Variants in DNAH7 observed in about 807,000 individuals in gnomAD.
The protein encoded by DNAH7 is axonemal beta dynein heavy chain 7.
A neutral mutation model predicts 444.6 loss-of-function variants in DNAH7; 397 were observed. The ratio of observed to expected loss-of-function variants is 0.89; its 90% CI spans 0.82 to 0.97. The LOEUF (loss-of-function observed/expected upper bound fraction) is 0.97. Among genes scored for constraint, DNAH7 ranks in the 50% least tolerant of loss-of-function variants. The pLI, the probability that DNAH7 is intolerant of heterozygous loss-of-function variation, is 0.00. For synonymous variants in DNAH7, 1,636 were observed against 1,624.4 expected (o/e 1.01, Z -0.17); for missense variants, 4,902 against 4,800.8 (o/e 1.02, Z -0.62).
At chr2:195,763,118 C>T (rs1453019379) in intron 61 of DNAH7, among the ~76,000 whole-genome samples, 1 of 152,000 alleles carries the variant, frequency 6.6e-6, no homozygotes, top group Non-Finnish European at 1.5e-5. Context: ...ACCAGTGAAT[C>T]AATGAAGAAA....
intron 22 of DNAH7, among the ~76,000 whole-genome samples, chr2:195,925,842 T>C (rs945674600): frequency 3.3e-5 from 5 of 152,188 alleles, no homozygotes; most frequent in African/African-American, 9.6e-5. Flanking sequence ...ATCTCAATGA[T>C]AGAACTGCTG....
At chr2:196,015,083 A>G (rs892326470) in intron 9 of DNAH7, among the ~76,000 whole-genome samples, 17 of 152,084 alleles carry the variant, frequency 1.1e-4, no homozygotes, top group Non-Finnish European at 2.1e-4. Flanking sequence ...TACTTATCCA[A>G]AAGTGAAATT....
intron 43 of DNAH7, 147 bp from the exon 44 acceptor site, chr2:195,857,870 T>C: frequency 1.5e-6 from 1 of 674,288 alleles, no homozygotes. Context: ...ACTTACACTT[T>C]TCTCCTCAGT....
chr2:195,783,807 T>C (rs1178303070), intron 58 of DNAH7, among the ~76,000 whole-genome samples: 1 of 152,086 alleles, frequency 6.6e-6, no homozygotes, highest in Non-Finnish European at 1.5e-5. Context: ...AAGGCAAAAA[T>C]AGTCTCCAAA....
intron 19 of DNAH7, among the ~76,000 whole-genome samples, chr2:195,956,635 A>T (rs1371813465): frequency 7.0e-6 from 1 of 143,702 alleles, no homozygotes; most frequent in African/African-American, 2.9e-5. Context: ...TGGGTGACAG[A>T]GCGAGACTCT....
At chr2:195,824,914 CTTAA>C (rs1309458817) in intron 48 of DNAH7, 1 of 152,604 alleles carries the variant, frequency 6.6e-6, no homozygotes, top group African/African-American at 2.4e-5. Flanking sequence ...ATTAGATTTG[CTTAA>C]TTACTCTCTC....
intron 49 of DNAH7, among the ~76,000 whole-genome samples, chr2:195,823,342 G>A (rs574907589): frequency 5.0e-4 from 76 of 152,194 alleles, no homozygotes; most frequent in African/African-American, 1.7e-3. Flanking sequence ...TTGCAGCTCC[G>A]CTGTGTCTTC....
Position 195,806,846 on chromosome 2 carries a change from G to A in DNAH7, c.10084-14C>T, listed in dbSNP as rs375786417. ...ATGGTGTGGTTCCTAAAATTACAGTGTAAATAATTCAGTTATTTTGGAGAT... is the reference window on the plus strand; with the variant it reads ...ATGGTGTGGTTCCTAAAATTACAGTATAAATAATTCAGTTATTTTGGAGAT... On this transcript the variant is annotated splice_polypyrimidine_tract_variant and intron_variant, in intron 53 of 64. Coordinates refer to ENST00000312428, the MANE Select transcript of DNAH7 (RefSeq NM_018897.3). The A allele has an allele frequency of 2.3e-5, 37 of 1,597,406 alleles. No homozygotes were observed. In the African/African-American group the frequency reaches 4.3e-4, roughly 19 times the overall value.
chr2:195,958,547 T>G (rs1690856105), intron 18 of DNAH7, among the ~76,000 whole-genome samples: 1 of 152,126 alleles, frequency 6.6e-6, no homozygotes, highest in African/African-American at 2.4e-5. Flanking sequence ...TCAACTGTAT[T>G]TCAATTTATA....
chr2:195,793,216 T>C (rs1695973978), intron 57 of DNAH7, among the ~76,000 whole-genome samples: 1 of 152,206 alleles, frequency 6.6e-6, no homozygotes, highest in Non-Finnish European at 1.5e-5. Flanking sequence ...GGATTACAGG[T>C]GTAAGCCATC....
chr2:195,801,798 T>C (rs1696473387), intron 54 of DNAH7, among the ~76,000 whole-genome samples: 1 of 152,222 alleles, frequency 6.6e-6, no homozygotes, highest in Non-Finnish European at 1.5e-5. Context: ...CTTCTGTCAG[T>C]CCTAGTGCAT....
At chr2:195,947,523 T>A (rs1024822336) in intron 19 of DNAH7, among the ~76,000 whole-genome samples, 10 of 152,158 alleles carry the variant, frequency 6.6e-5, no homozygotes, top group African/African-American at 2.2e-4. Context: ...TACTCCCATT[T>A]ATGAGTGAGA....
chr2:195,958,335 A>C (rs1690840545), intron 18 of DNAH7, among the ~76,000 whole-genome samples: 1 of 152,194 alleles, frequency 6.6e-6, no homozygotes, highest in Admixed American at 6.5e-5. Flanking sequence ...TGATTTTCTT[A>C]ATAACATTTT....
intron 26 of DNAH7, 40 bp from the exon 27 acceptor site, chr2:195,906,826 A>G (rs760121049): frequency 6.2e-7 from 1 of 1,611,946 alleles, no homozygotes; most frequent in Non-Finnish European, 8.5e-7. Context: ...GTAATACCAC[A>G]TATAAACATG....
intron 14 of DNAH7, 48 bp from the exon 15 acceptor site, chr2:195,984,758 A>G (rs1692796952): frequency 6.7e-7 from 1 of 1,491,890 alleles, no homozygotes; most frequent in South Asian, 1.1e-5. Context: ...GTTCAATTTA[A>G]TTCCAAAATA....
chr2:195,966,354 T>G (rs1691476445), intron 17 of DNAH7, among the ~76,000 whole-genome samples: 4 of 152,172 alleles, frequency 2.6e-5, no homozygotes, highest in African/African-American at 7.2e-5. Flanking sequence ...TTAAACCATG[T>G]TTTGTGACCT....
intron 12 of DNAH7, chr2:195,995,434 G>A: frequency 4.7e-6 from 2 of 429,218 alleles, no homozygotes; most frequent in South Asian, 3.7e-5. Flanking sequence ...GGAGTTTTAG[G>A]ACTATCTGGA....
At position 195,960,215 on chromosome 2, in the gene DNAH7, T is replaced by C. The variant is rs370717800; in HGVS notation, c.2891+45A>G. On this transcript the variant is annotated intron_variant, in intron 18 of 64. Coordinates refer to ENST00000312428, the MANE Select transcript of DNAH7 (RefSeq NM_018897.3). Reference sequence around the variant, plus strand: ...AGAACTTTACATTAAACACAAGTGATTTTGGTAACATAGCATAAACATTGC... The same window carrying C: ...AGAACTTTACATTAAACACAAGTGACTTTGGTAACATAGCATAAACATTGC... The C allele has an allele frequency of 4.0e-5, 59 of 1,463,604 alleles. No homozygotes were observed. In the East Asian group the frequency reaches 9.4e-4, roughly 23 times the overall value. The allele number at this position is 1,463,604 out of a possible 1,614,324, so 90.7% of individuals were successfully genotyped here.
chr2:196,046,190 G>A (rs1450521666), intron 5 of DNAH7, among the ~76,000 whole-genome samples: 4 of 152,158 alleles, frequency 2.6e-5, no homozygotes, highest in Non-Finnish European at 5.9e-5. Context: ...AAATTAAGTA[G>A]ACAGGCATGG....
Sources: allele counts gnomAD v4.1 joint callset (sites outside exome capture counted in the v4.1 genomes callset), GRCh38; gene constraint gnomAD v4.1.1; transcripts MANE v1.5; gene names NCBI Gene and HGNC (gene_info 2026-07-23, HGNC 2026-07-21).